PEAK1: variants seen among roughly 807,000 people sequenced by gnomAD.
The protein encoded by PEAK1 is inactive tyrosine-protein kinase PEAK1.
PEAK1 carries 54 observed loss-of-function variants against 124.7 expected under a neutral mutation model. That is an observed-to-expected ratio of 0.43 (90% confidence interval 0.35 to 0.54). PEAK1 has a LOEUF of 0.54. Among genes scored for constraint, PEAK1 ranks in the 20% least tolerant of loss-of-function variants. The pLI is 0.01. For missense variants in PEAK1, 2,046 were observed against 2,134.5 expected, an observed-to-expected ratio of 0.96 and a Z score of 0.82; for synonymous variants, 719 against 760.0, an observed-to-expected ratio of 0.95 and a Z score of 0.89.
intron 2 of PEAK1, among the ~76,000 whole-genome samples, chr15:77,298,421 T>G (rs1265195529): frequency 1.3e-5 from 2 of 151,256 alleles, no homozygotes; most frequent in African/African-American, 4.9e-5. Flanking sequence ...GGTTTCACTG[T>G]GTTAGCCAGG....
At chr15:77,162,493 C>CAAAAAAAAAA (rs71143393) in intron 7 of PEAK1, among the ~76,000 whole-genome samples, 1 of 70,454 alleles carries the variant, frequency 1.4e-5, no homozygotes. Context: ...GACTCCATCT[C>CAAAAAAAAAA]AAAAAAAAAA....
At chr15:77,291,918 A>T (rs2063232787) in intron 2 of PEAK1, among the ~76,000 whole-genome samples, 2 of 149,872 alleles carry the variant, frequency 1.3e-5, no homozygotes, top group Non-Finnish European at 3.0e-5. Context: ...CGGAGCTTGC[A>T]GTGAGCCGAG....
chr15:77,363,421 G>A (rs1373958873), intron 2 of PEAK1, among the ~76,000 whole-genome samples: 1 of 152,044 alleles, frequency 6.6e-6, no homozygotes, highest in Non-Finnish European at 1.5e-5. Flanking sequence ...CTCAACAGAG[G>A]GAAAACACTA....
intron 1 of PEAK1, among the ~76,000 whole-genome samples, chr15:77,387,892 G>T (rs1019574041): frequency 9.9e-5 from 15 of 152,208 alleles, no homozygotes; most frequent in African/African-American, 3.1e-4. Context: ...TTTGGTATCT[G>T]GCCAACTATG....
chr15:77,240,072 G>T (rs987994360), intron 6 of PEAK1, among the ~76,000 whole-genome samples: 3 of 152,186 alleles, frequency 2.0e-5, no homozygotes, highest in Non-Finnish European at 2.9e-5. Flanking sequence ...ATTACAACCA[G>T]CTGGAGACAG....
At chr15:77,404,594 G>C in intron 1 of PEAK1, 1 of 887,882 alleles carries the variant, frequency 1.1e-6, no homozygotes, top group East Asian at 1.2e-4. Context: ...TACATATGTG[G>C]TTTGCACTAT....
intron 2 of PEAK1, among the ~76,000 whole-genome samples, chr15:77,311,174 G>A (rs1358737328): frequency 6.6e-6 from 1 of 152,160 alleles, no homozygotes; most frequent in Non-Finnish European, 1.5e-5. Context: ...GGAAGTAGAT[G>A]AATTCAAGAG....
At chr15:77,401,772 T>A (rs1044614952) in intron 1 of PEAK1, 13 of 985,032 alleles carry the variant, frequency 1.3e-5, no homozygotes, top group Non-Finnish European at 1.1e-5. Flanking sequence ...CTTTTGCTGA[T>A]CTGTATTGGA....
chr15:77,336,517 G>C (rs1166007711), intron 2 of PEAK1: 1 of 985,272 alleles, frequency 1.0e-6, no homozygotes, highest in South Asian at 4.7e-5. Context: ...TCAGTTGCTT[G>C]TTGCTTGTTG....
chr15:77,339,904 CAT>C (rs1671365259), intron 2 of PEAK1, among the ~76,000 whole-genome samples: 1 of 152,138 alleles, frequency 6.6e-6, no homozygotes, highest in African/African-American at 2.4e-5. Context: ...GGCTCAATAT[CAT>C]ATATTATTAG....
intron 6 of PEAK1, among the ~76,000 whole-genome samples, chr15:77,237,158 T>C (rs1020944456): frequency 6.6e-6 from 1 of 152,188 alleles, no homozygotes; most frequent in African/African-American, 2.4e-5. Flanking sequence ...CAAGTAACAC[T>C]GAAGATATTA....
intron 1 of PEAK1, chr15:77,381,328 C>T (rs1027353245): frequency 3.5e-5 from 28 of 805,410 alleles, no homozygotes; most frequent in Non-Finnish European, 4.1e-5. Context: ...GGCGAAAGCA[C>T]TGCTTGAGGC....
chr15:77,356,620 C>A (rs541306076), intron 2 of PEAK1, among the ~76,000 whole-genome samples: 1 of 152,246 alleles, frequency 6.6e-6, no homozygotes, highest in Admixed American at 6.5e-5. Flanking sequence ...AAATAAGATT[C>A]TTATTCTTAA....
chr15:77,154,185 T>C (rs1318415009), intron 8 of PEAK1, among the ~76,000 whole-genome samples: 1 of 152,220 alleles, frequency 6.6e-6, no homozygotes, highest in African/African-American at 2.4e-5. Flanking sequence ...TGGGTGCATA[T>C]ATATTTAGGA....
chr15:77,178,595 A>T, intron 7 of PEAK1, 195 bp downstream of exon 7: 1 of 618,956 alleles, frequency 1.6e-6, no homozygotes, highest in Non-Finnish European at 2.7e-6. Context: ...ATCCAGGGCT[A>T]TAAACCTTGT....
intron 6 of PEAK1, among the ~76,000 whole-genome samples, chr15:77,249,841 A>T (rs993297843): frequency 6.6e-6 from 1 of 152,220 alleles, no homozygotes; most frequent in South Asian, 2.1e-4. Context: ...AGATATAATT[A>T]AATAGGTACA....
At position 77,133,698 on chromosome 15, in the gene PEAK1, T is replaced by C. The variant is rs201739329; in HGVS notation, c.3384A>G (p.Gly1128=). ...CAAAGGCGATGGCATCGTCCACAGCTCCCTTGGGCTGTCGTGGCTGCTTGG... is the reference window on the plus strand; with the variant it reads ...CAAAGGCGATGGCATCGTCCACAGCCCCCTTGGGCTGTCGTGGCTGCTTGG... ...IPPKQPRQPK[G]AVDDAIAFGG... is the part of the protein sequence containing the mutation. The change falls in exon 9 of 10, where the codon GGA becomes GGG. Residue 1128 remains glycine (G), a synonymous_variant. Coordinates refer to ENST00000682557, the MANE Select transcript of PEAK1 (RefSeq NM_001385026.1). This position sits in a 1 kb window ranked among gnomAD's most constrained non-coding sequence, Gnocchi z 4.2. The C allele has an allele frequency of 1.9e-5, 31 of 1,613,690 alleles. No individual in the cohort carries two copies. The East Asian group carries it at 6.9e-4, about 36-fold the overall frequency.
At chr15:77,397,548 T>G (rs771790800) in intron 1 of PEAK1, among the ~76,000 whole-genome samples, 2 of 151,196 alleles carry the variant, frequency 1.3e-5, no homozygotes, top group Non-Finnish European at 3.0e-5. Flanking sequence ...TTTAGGAGAC[T>G]AAGAAAAAAA....
intron 2 of PEAK1, among the ~76,000 whole-genome samples, chr15:77,321,040 T>G (rs1367323836): frequency 6.6e-6 from 1 of 152,244 alleles, no homozygotes; most frequent in African/African-American, 2.4e-5. Flanking sequence ...GTGCCACATT[T>G]TCTTAATCCA....
Sources: gnomAD v4.1 joint callset for allele counts (sites outside exome capture counted in the v4.1 genomes callset) on GRCh38, gnomAD v4.1.1 for gene constraint, Gnocchi (gnomAD v3.1) non-coding constraint, MANE v1.5 for transcripts, NCBI Gene and HGNC (gene_info 2026-07-23, HGNC 2026-07-21) for gene names.